CCDC85A: variants seen among roughly 807,000 people sequenced by gnomAD.
CCDC85A encodes the protein coiled-coil domain-containing protein 85A.
CCDC85A carries 38 observed loss-of-function variants against 50.2 expected under a neutral mutation model. The ratio of observed to expected loss-of-function variants is 0.76; its 90% CI spans 0.58 to 0.99. The LOEUF (loss-of-function observed/expected upper bound fraction) is 0.99, where lower values mean the gene tolerates loss of function less well. Ranked by LOEUF, CCDC85A falls within the 50% of genes least tolerant of loss-of-function variation. The pLI is 0.00. For synonymous variants in CCDC85A, 366 were observed against 301.4 expected (o/e 1.21, Z -2.22); for missense variants, 820 against 742.0 (o/e 1.11, Z -1.22).
At chr2:56,202,878 A>G (rs181789727) in intron 2 of CCDC85A, among the ~76,000 whole-genome samples, 11 of 152,336 alleles carry the variant, frequency 7.2e-5, no homozygotes, top group Admixed American at 2.6e-4. Context: ...CAGAATAATA[A>G]GACCCTGAAA....
chr2:56,348,838 T>C (rs72803056), intron 3 of CCDC85A, among the ~76,000 whole-genome samples: 5,738 of 152,328 alleles, frequency 0.038, 154 homozygotes, highest in Non-Finnish European at 0.06. Flanking sequence ...GATAGATATG[T>C]ATCGTTTTGC....
At chr2:56,235,353 C>G (rs778792103) in intron 2 of CCDC85A, 2 of 152,074 alleles carry the variant, frequency 1.3e-5, no homozygotes, top group Non-Finnish European at 2.9e-5. Flanking sequence ...TTTATATACA[C>G]TTCCTGTAGA....
chr2:56,245,143 C>G (rs2103975879), intron 2 of CCDC85A, among the ~76,000 whole-genome samples: 1 of 152,272 alleles, frequency 6.6e-6, no homozygotes, highest in Admixed American at 6.5e-5. Context: ...TAGGACATGC[C>G]CAGGAGTTGC....
chr2:56,188,898 G>A (rs540084536), intron 1 of CCDC85A, among the ~76,000 whole-genome samples: 14 of 152,310 alleles, frequency 9.2e-5, no homozygotes, highest in African/African-American at 3.4e-4. Context: ...TTCAAAGAAA[G>A]ACTTTTGGAA....
intron 2 of CCDC85A, among the ~76,000 whole-genome samples, chr2:56,309,285 T>C (rs1672585436): frequency 6.6e-6 from 1 of 152,190 alleles, no homozygotes; most frequent in Admixed American, 6.6e-5. Context: ...GACCTAGCTC[T>C]TAAATCTAAT....
chr2:56,247,879 G>A lies in CCDC85A; in HGVS notation c.1240+54439G>A, dbSNP rs529951382. Among the ~76,000 whole-genome samples the A allele has an allele frequency of 2.0e-4, 31 of 152,266 alleles. No homozygotes were observed. The South Asian group carries it at 6.4e-3, about 32-fold the overall frequency. On this transcript the variant is annotated intron_variant, in intron 2 of 5. Coordinates refer to ENST00000407595, the MANE Select transcript of CCDC85A (RefSeq NM_001080433.2). ...TGGAAAATTTGAGGATATTGGAATT[G>A]GGGCCAATCTTTTGCTGGTACTATA...
chr2:56,245,000 C>G (rs1212979488), intron 2 of CCDC85A, among the ~76,000 whole-genome samples: 1 of 152,086 alleles, frequency 6.6e-6, no homozygotes, highest in Non-Finnish European at 1.5e-5. Context: ...AGGAAGCGGT[C>G]TCTTTTGGAG....
In CCDC85A at chr2:56,192,561, A is replaced by G; in HGVS notation, c.361A>G (p.Arg121Gly). The G allele has an allele frequency of 6.2e-7, 1 of 1,613,908 alleles. No individual in the cohort carries two copies. Among genetic ancestry groups the G allele is most frequent in the African/African-American group, 1.3e-5 (1 of 75,016 alleles). ...FLDDDRQKGKRVSREWQRLGR... is the reference protein window; with the variant it reads ...FLDDDRQKGKGVSREWQRLGR... The stretch of plus-strand genomic sequence containing the variant: ...GGATGATGACCGGCAGAAAGGCAAG[A>G]GGGTGTCTCGGGAGTGGCAGAGACT... Residue 121 changes from arginine to glycine, a missense_variant, in exon 2 of 6, where the codon AGG (arginine) becomes GGG (glycine). Transcript: ENST00000407595. This position sits in a 1 kb window ranked among gnomAD's most constrained non-coding sequence, Gnocchi z 4.7.
rs1260794396 is a variant in CCDC85A, at chr2:56,185,071, C to T, written c.276+171C>T. ...GCCCCTGTGTAACTTTTCCAAACTTCGGAGGCGTCTGCTCCCCTCCTCTCC... is the reference window on the plus strand; with the variant it reads ...GCCCCTGTGTAACTTTTCCAAACTTTGGAGGCGTCTGCTCCCCTCCTCTCC... On this transcript the variant is annotated intron_variant, in intron 1 of 5. Coordinates refer to ENST00000407595, the MANE Select transcript of CCDC85A (RefSeq NM_001080433.2). 2.8e-5 allele frequency among the ~76,000 whole-genome samples: 4 copies of T among 143,342 alleles called. No individual in the cohort carries two copies. The South Asian group carries it at 7.7e-4, about 28-fold the overall frequency. 94.0% of individuals were successfully genotyped at this position (143,342 alleles called of 152,430 possible).
At chr2:56,334,405 GA>G (rs989198253) in intron 2 of CCDC85A, among the ~76,000 whole-genome samples, 1 of 152,158 alleles carries the variant, frequency 6.6e-6, no homozygotes. Context: ...GAGGGTTAGT[GA>G]AATATTTTCA....
At chr2:56,340,352 C>G (rs1674293193) in intron 2 of CCDC85A, among the ~76,000 whole-genome samples, 1 of 152,164 alleles carries the variant, frequency 6.6e-6, no homozygotes, top group African/African-American at 2.4e-5. Context: ...GGGCTCCAAA[C>G]ACTTAGGTGC....
rs189235361 is a variant in CCDC85A, at chr2:56,190,630, G to A, written c.277-1847G>A. 3.8e-4 allele frequency among the ~76,000 whole-genome samples: 58 copies of A among 152,254 alleles called. No homozygotes were observed. The Middle Eastern group carries it at 0.01, about 27-fold the overall frequency. ...GACCTGATGGTTGTCTAGAAGGCTG[G>A]GGAGAGCATTCCAGGTGAGAGGGAA... On this transcript the variant is annotated intron_variant, in intron 1 of 5. Transcript: ENST00000407595.
chr2:56,234,008 G>A (rs780807168), intron 2 of CCDC85A, among the ~76,000 whole-genome samples: 8 of 152,140 alleles, frequency 5.3e-5, no homozygotes, highest in Non-Finnish European at 1.2e-4. Flanking sequence ...CTTTTTGAAG[G>A]ATAAAATTTT....
chr2:56,383,016 A>G (rs928647934), intron 5 of CCDC85A, among the ~76,000 whole-genome samples: 2 of 152,002 alleles, frequency 1.3e-5, no homozygotes, highest in Non-Finnish European at 2.9e-5. Context: ...AGCTTGAGCC[A>G]TCCATTGCTA....
intron 2 of CCDC85A, among the ~76,000 whole-genome samples, chr2:56,326,578 A>G (rs545805425): frequency 1.5e-4 from 23 of 152,282 alleles, no homozygotes; most frequent in African/African-American, 5.5e-4. Context: ...AAAAGGCATA[A>G]AGAACTGGGT....
rs553744111 is a variant in CCDC85A, at chr2:56,238,156, C to T, written c.1240+44716C>T. On this transcript the variant is annotated intron_variant, in intron 2 of 5. Coordinates refer to ENST00000407595, the MANE Select transcript of CCDC85A (RefSeq NM_001080433.2). ...TATAAAAGTGTGCAGTGGCTCACAC[C>T]TGTAATCCCAGCACTTTGGGAGGCC... 1.4e-3 allele frequency among the ~76,000 whole-genome samples: 213 copies of T among 152,280 alleles called. 1 individual carries two copies. The Middle Eastern group carries it at 0.02, about 15-fold the overall frequency.
chr2:56,230,414 A>G (rs938614332), intron 2 of CCDC85A, among the ~76,000 whole-genome samples: 17 of 152,198 alleles, frequency 1.1e-4, no homozygotes, highest in African/African-American at 4.1e-4. Flanking sequence ...TAAAAGAGAT[A>G]ATGACTCATT....
intron 2 of CCDC85A, among the ~76,000 whole-genome samples, chr2:56,296,837 T>TA (rs1273503800): frequency 2.0e-5 from 3 of 152,212 alleles, no homozygotes; most frequent in Non-Finnish European, 2.9e-5. Context: ...TTTGCTTATT[T>TA]AAAATAGGCC....
chr2:56,205,382 G>A (rs1257091244), intron 2 of CCDC85A, among the ~76,000 whole-genome samples: 2 of 151,432 alleles, frequency 1.3e-5, no homozygotes, highest in African/African-American at 2.4e-5. Flanking sequence ...ATTTGAACTA[G>A]TTTGGAGTAA....
Sources: gnomAD v4.1 joint callset for allele counts (sites outside exome capture counted in the v4.1 genomes callset) on GRCh38, gnomAD v4.1.1 for gene constraint, Gnocchi (gnomAD v3.1) non-coding constraint, MANE v1.5 for transcripts, NCBI Gene and HGNC (gene_info 2026-07-23, HGNC 2026-07-21) for gene names.